The following SLC22A15 variants were observed in gnomAD, a reference collection of about 807,000 sequenced individuals.
The protein encoded by SLC22A15 is flipt 1.
SLC22A15 carries 45 observed loss-of-function variants against 62.7 expected under a neutral mutation model. The ratio of observed to expected loss-of-function variants is 0.72; its 90% CI spans 0.56 to 0.92. The LOEUF (loss-of-function observed/expected upper bound fraction) is 0.92. SLC22A15 is among the 40% of genes least tolerant of loss of function. The pLI, the probability that SLC22A15 is intolerant of heterozygous loss-of-function variation, is 0.00. For synonymous variants in SLC22A15, 264 were observed against 267.0 expected (o/e 0.99, Z 0.11); for missense variants, 622 against 665.6 (o/e 0.93, Z 0.72).
intron 2 of SLC22A15, among the ~76,000 whole-genome samples, chr1:116,001,510 C>A (rs1478679686): frequency 6.6e-6 from 1 of 152,016 alleles, no homozygotes; most frequent in Non-Finnish European, 1.5e-5. Flanking sequence ...TGTAGGCATG[C>A]TTTATTATTT....
chr1:115,982,228 T>C (rs1654643360), intron 1 of SLC22A15, among the ~76,000 whole-genome samples: 2 of 152,142 alleles, frequency 1.3e-5, no homozygotes, highest in Non-Finnish European at 2.9e-5. Flanking sequence ...CTCATGCAAA[T>C]TGATATCTGC....
intron 5 of SLC22A15, among the ~76,000 whole-genome samples, chr1:116,029,175 A>G (rs1263766192): frequency 6.6e-6 from 1 of 152,208 alleles, no homozygotes; most frequent in Non-Finnish European, 1.5e-5. Flanking sequence ...AGAATTTGTA[A>G]TCAGCAACAT....
At chr1:115,995,460 A>C (rs1014066235) in intron 2 of SLC22A15, among the ~76,000 whole-genome samples, 1 of 152,182 alleles carries the variant, frequency 6.6e-6, no homozygotes, top group African/African-American at 2.4e-5. Flanking sequence ...CATGTTGGCC[A>C]GGCTGGTCTC....
At chr1:116,048,701 A>G (rs1023855482) in intron 8 of SLC22A15, among the ~76,000 whole-genome samples, 1 of 152,230 alleles carries the variant, frequency 6.6e-6, no homozygotes, top group Non-Finnish European at 1.5e-5. Flanking sequence ...AAAAAACCCA[A>G]GGTAGACAGG....
At chr1:116,007,710 T>A (rs1468784293) in intron 2 of SLC22A15, among the ~76,000 whole-genome samples, 1 of 152,128 alleles carries the variant, frequency 6.6e-6, no homozygotes, top group Non-Finnish European at 1.5e-5. Context: ...CCCACTCTAT[T>A]AGTGAAATAA....
intron 8 of SLC22A15, among the ~76,000 whole-genome samples, chr1:116,056,817 A>G (rs1320163564): frequency 6.6e-6 from 1 of 152,184 alleles, no homozygotes; most frequent in African/African-American, 2.4e-5. Flanking sequence ...AGGATTCCCT[A>G]TTTAATAAAT....
chr1:116,003,045 G>T (rs1324146016), intron 2 of SLC22A15, among the ~76,000 whole-genome samples: 1 of 152,118 alleles, frequency 6.6e-6, no homozygotes, highest in Admixed American at 6.5e-5. Context: ...CAAGGTCTAA[G>T]GGCTGTTTAA....
At chr1:116,037,651 A>G in intron 8 of SLC22A15, 1 of 314,408 alleles carries the variant, frequency 3.2e-6, no homozygotes, top group South Asian at 7.3e-5. Flanking sequence ...TGGTGATGTT[A>G]GAGTTGTTTA....
At chr1:116,066,267 A>G (rs1658495204) in intron 10 of SLC22A15, among the ~76,000 whole-genome samples, 1 of 152,162 alleles carries the variant, frequency 6.6e-6, no homozygotes, top group Admixed American at 6.5e-5. Context: ...CGGACATGAA[A>G]TTGCTGCTTC....
chr1:116,041,996 CAGAA>C (rs1201403223), intron 8 of SLC22A15, among the ~76,000 whole-genome samples: 6 of 151,590 alleles, frequency 4.0e-5, no homozygotes, highest in Middle Eastern at 3.4e-3. Context: ...AAACAAAACT[CAGAA>C]AGATCAGTTG....
intron 1 of SLC22A15, among the ~76,000 whole-genome samples, chr1:115,981,739 T>C (rs1271052105): frequency 2.0e-5 from 3 of 152,224 alleles, no homozygotes; most frequent in African/African-American, 7.2e-5. Flanking sequence ...GCAACTAGAC[T>C]GATACCTCTG....
At chr1:116,057,025 G>A (rs1158684671) in intron 8 of SLC22A15, among the ~76,000 whole-genome samples, 12 of 151,822 alleles carry the variant, frequency 7.9e-5, no homozygotes, top group Non-Finnish European at 1.6e-4. Context: ...AACACCAAAA[G>A]CAATGGCAAC....
At chr1:115,976,792 C>CGCGGGG in intron 1 of SLC22A15, 78 bp downstream of exon 1, 1 of 1,168,604 alleles carries the variant, frequency 8.6e-7, no homozygotes, top group Non-Finnish European at 1.2e-6. Context: ...GCTCCCAGAC[C>CGCGGGG]GCCGGGGCCG....
chr1:116,011,115 A>T (rs1017124667), intron 2 of SLC22A15, among the ~76,000 whole-genome samples: 3 of 152,204 alleles, frequency 2.0e-5, no homozygotes, highest in African/African-American at 7.2e-5. Flanking sequence ...TTTAGAAGGG[A>T]TACAGCAGCC....
At position 116,015,669 on chromosome 1, in the gene SLC22A15, C is replaced by G. The variant is rs541523150; in HGVS notation, c.301-3913C>G. Among the ~76,000 whole-genome samples, 6 of 152,248 alleles carry G rather than the reference C, an allele frequency of 3.9e-5. No homozygotes were observed. In the South Asian group the frequency reaches 1.0e-3, roughly 26 times the overall value. ...TCAGTATCTTGGCCGTGTAAACAGA[C>G]TAGCAAAACTTGAGGTGCAGGTTAA... On this transcript the variant is annotated intron_variant, in intron 2 of 11. Transcript: ENST00000369503.
chr1:116,036,150 G>A (rs1485454316), intron 7 of SLC22A15, among the ~76,000 whole-genome samples: 1 of 152,116 alleles, frequency 6.6e-6, no homozygotes, highest in Non-Finnish European at 1.5e-5. Flanking sequence ...CCCTGTGATA[G>A]AGGCTACAGC....
chr1:116,060,184 G>T (rs192012699), intron 8 of SLC22A15, among the ~76,000 whole-genome samples: 3 of 152,268 alleles, frequency 2.0e-5, no homozygotes, highest in East Asian at 3.9e-4. Flanking sequence ...GTCCCAGAAA[G>T]AAAAAGAAAT....
chr1:116,000,050 T>A (rs1054733241), intron 2 of SLC22A15, among the ~76,000 whole-genome samples: 1 of 152,214 alleles, frequency 6.6e-6, no homozygotes, highest in African/African-American at 2.4e-5. Context: ...TTGGTTTTTT[T>A]ATCCATTCAG....
intron 8 of SLC22A15, among the ~76,000 whole-genome samples, chr1:116,047,402 G>A (rs1400796959): frequency 6.6e-6 from 1 of 152,180 alleles, no homozygotes; most frequent in East Asian, 1.9e-4. Context: ...ACTCCAGCCT[G>A]GGCGACAGAG....
Sources: gnomAD v4.1 joint callset for allele counts (sites outside exome capture counted in the v4.1 genomes callset) on GRCh38, gnomAD v4.1.1 for gene constraint, MANE v1.5 for transcripts, NCBI Gene and HGNC (gene_info 2026-07-23, HGNC 2026-07-21) for gene names.